TRMT11: variants seen among roughly 807,000 people sequenced by gnomAD.
TRMT11 encodes tRNA methyltransferase 11.
A neutral mutation model predicts 62.8 loss-of-function variants in TRMT11; 53 were observed. The observed-to-expected ratio is 0.84, with a 90% CI of 0.68 to 1.06. The LOEUF is 1.06. Among genes scored for constraint, TRMT11 ranks in the 50% least tolerant of loss-of-function variants. The pLI is 0.00. For synonymous variants in TRMT11, 188 were observed against 190.3 expected (o/e 0.99, Z 0.10); for missense variants, 556 against 553.4 (o/e 1.00, Z -0.05).
chr6:126,075,329 C>T (rs1307345088), intron 17 of TRMT11, among the ~76,000 whole-genome samples: 1 of 152,074 alleles, frequency 6.6e-6, no homozygotes, highest in Non-Finnish European at 1.5e-5. Context: ...GTGTCCCCAC[C>T]CCAATCTCAT....
chr6:126,013,145 T>A, intron 11 of TRMT11, 44 bp downstream of exon 11: 1 of 1,546,898 alleles, frequency 6.5e-7, no homozygotes, highest in Non-Finnish European at 8.8e-7. Flanking sequence ...TTTCTTACAA[T>A]GTTTGCGTAT....
upstream of TRMT11, among the ~76,000 whole-genome samples, chr6:126,174,432 A>T (rs950658064): frequency 6.6e-6 from 1 of 152,142 alleles, no homozygotes; most frequent in Non-Finnish European, 1.5e-5. Context: ...CAATTTACCA[A>T]AATATGGAAA....
intron 17 of TRMT11, among the ~76,000 whole-genome samples, chr6:126,056,641 G>A (rs1055547471): frequency 6.6e-6 from 1 of 152,108 alleles, no homozygotes; most frequent in Non-Finnish European, 1.5e-5. Context: ...TAGGCCAGGC[G>A]TGAAAGTTGG....
intron 12 of TRMT11, among the ~76,000 whole-genome samples, chr6:126,027,431 A>G (rs928956340): frequency 1.3e-5 from 2 of 152,218 alleles, no homozygotes; most frequent in Non-Finnish European, 2.9e-5. Flanking sequence ...ACTCTATAAT[A>G]GATACATGAT....
At chr6:126,130,295 A>C (rs1480954121) in intron 21 of TRMT11, among the ~76,000 whole-genome samples, 1 of 152,098 alleles carries the variant, frequency 6.6e-6, no homozygotes, top group Non-Finnish European at 1.5e-5. Context: ...TCTAGATATC[A>C]GGGAGAAGTA....
chr6:126,050,249 G>A (rs61501265), intron 16 of TRMT11, among the ~76,000 whole-genome samples: 1 of 149,078 alleles, frequency 6.7e-6, no homozygotes, highest in Non-Finnish European at 1.5e-5. Flanking sequence ...AGAATCGCTT[G>A]AATCTGGGAG....
intron 17 of TRMT11, among the ~76,000 whole-genome samples, chr6:126,067,092 G>A (rs1776715411): frequency 6.6e-6 from 1 of 151,816 alleles, no homozygotes; most frequent in African/African-American, 2.4e-5. Context: ...GCCAGTTATG[G>A]TGGTGTGCGC....
chr6:126,090,570 G>C (rs1777262664), intron 17 of TRMT11, among the ~76,000 whole-genome samples: 1 of 152,142 alleles, frequency 6.6e-6, no homozygotes, highest in South Asian at 2.1e-4. Context: ...ATTGGTAGCA[G>C]TTTTATGTAT....
the TRMT11 span, among the ~76,000 whole-genome samples, chr6:126,266,808 C>G: frequency 6.6e-6 from 1 of 152,096 alleles, no homozygotes; most frequent in Admixed American, 6.5e-5. Context: ...GGGAATTGTT[C>G]TTTTACAATG....
At chr6:126,271,045 G>C in the TRMT11 span, among the ~76,000 whole-genome samples, 1 of 152,176 alleles carries the variant, frequency 6.6e-6, no homozygotes, top group Non-Finnish European at 1.5e-5. Flanking sequence ...TTTTTAAAGA[G>C]AGAGAGTGAA....
At chr6:126,243,895 C>T in the TRMT11 span, among the ~76,000 whole-genome samples, 2 of 152,012 alleles carry the variant, frequency 1.3e-5, no homozygotes, top group Non-Finnish European at 2.9e-5. Flanking sequence ...AACAAACCTG[C>T]ACGTTGTGCA....
chr6:125,998,155 T>C, intron 4 of TRMT11, 21 bp downstream of exon 4: 1 of 1,605,648 alleles, frequency 6.2e-7, no homozygotes, highest in Non-Finnish European at 8.5e-7. Context: ...AAATGTGGTT[T>C]TATATAGGCA....
chr6:125,991,615 A>G (rs1790642413), intron 1 of TRMT11, among the ~76,000 whole-genome samples: 1 of 152,112 alleles, frequency 6.6e-6, no homozygotes, highest in African/African-American at 2.4e-5. Flanking sequence ...TGCTTAAAAT[A>G]TTAAAATCAG....
intron 21 of TRMT11, among the ~76,000 whole-genome samples, chr6:126,161,052 G>A (rs1778184423): frequency 6.6e-6 from 1 of 151,936 alleles, no homozygotes; most frequent in South Asian, 2.1e-4. Flanking sequence ...TGGTACATCT[G>A]GTATTATGGT....
At chr6:126,033,780 G>C (rs1774663952) in intron 12 of TRMT11, among the ~76,000 whole-genome samples, 1 of 152,118 alleles carries the variant, frequency 6.6e-6, no homozygotes. Flanking sequence ...TTCACATCAG[G>C]AAGTACTCTA....
intron 17 of TRMT11, among the ~76,000 whole-genome samples, chr6:126,088,699 A>G (rs1199411872): frequency 1.3e-5 from 2 of 152,228 alleles, no homozygotes; most frequent in Non-Finnish European, 2.9e-5. Context: ...TTCCTTCTAG[A>G]CATCTCTTTA....
At chr6:126,184,718 AC>A (rs1778507286) in intron 1 of TRMT11, among the ~76,000 whole-genome samples, 2 of 152,262 alleles carry the variant, frequency 1.3e-5, no homozygotes, top group Admixed American at 6.5e-5. Flanking sequence ...AAGATTGTAG[AC>A]CCAGCCAGTG....
intron 12 of TRMT11, among the ~76,000 whole-genome samples, chr6:126,025,886 C>T (rs1313510150): frequency 6.6e-6 from 1 of 152,090 alleles, no homozygotes; most frequent in Non-Finnish European, 1.5e-5. Context: ...TCTCCCTATC[C>T]CTCTTTTAAA....
chr6:126,073,773 C>T (rs1296848403), intron 17 of TRMT11, among the ~76,000 whole-genome samples: 2 of 152,046 alleles, frequency 1.3e-5, no homozygotes, highest in Admixed American at 1.3e-4. Flanking sequence ...AGTCTGTTCT[C>T]ACGCTGCGAA....
Sources: allele counts gnomAD v4.1 joint callset (sites outside exome capture counted in the v4.1 genomes callset), GRCh38; gene constraint gnomAD v4.1.1; transcripts MANE v1.5; gene names NCBI Gene and HGNC (gene_info 2026-07-23, HGNC 2026-07-21).